The following DGLUCY variants were observed in gnomAD, a reference collection of about 807,000 sequenced individuals.
DGLUCY encodes D-glutamate cyclase, mitochondrial.
In DGLUCY, 58 loss-of-function variants were observed where a neutral mutation model predicts 58.5. The observed-to-expected ratio is 0.99, with a 90% CI of 0.80 to 1.23. DGLUCY has a LOEUF of 1.23. Ranked by LOEUF, DGLUCY falls within the 50% of genes most tolerant of loss-of-function variation. The probability of loss-of-function intolerance (pLI) is 0.00; values close to 1 mark genes in which losing one functional copy is unlikely to be tolerated. For missense variants in DGLUCY, 779 were observed against 784.7 expected (o/e 0.99, Z 0.09); for synonymous variants, 325 against 314.1 (o/e 1.03, Z -0.37).
chr14:91,160,334 G>T lies in DGLUCY; in HGVS notation c.40G>T (p.Ala14Ser). 1 of 1,609,340 alleles carries T rather than the reference G, an allele frequency of 6.2e-7. No individual in the cohort carries two copies. The highest frequency in any genetic ancestry group is 8.5e-7 in the Non-Finnish European group (1 of 1,178,898). Reference sequence around the variant, plus strand: ...CCACCTGAGGTCCCGCCTTCCCTCTGCCATAAGGAGTTTGATTCTACAAAA... The same window carrying T: ...CCACCTGAGGTCCCGCCTTCCCTCTTCCATAAGGAGTTTGATTCTACAAAA... ...TLHLRSRLPS[A>S]IRSLILQKKP... Residue 14 changes from alanine to serine, a missense_variant, in exon 3 of 14, where the codon GCC becomes TCC. Coordinates refer to ENST00000256324, the MANE Select transcript of DGLUCY (RefSeq NM_001102368.3).
chr14:91,201,235 T>C (rs1056652511), intron 11 of DGLUCY, among the ~76,000 whole-genome samples: 12 of 152,058 alleles, frequency 7.9e-5, no homozygotes, highest in African/African-American at 2.9e-4. Flanking sequence ...CTTCAGCCCA[T>C]CTAGATGTAT....
At chr14:91,110,702 T>A (rs1448158270), upstream of DGLUCY, among the ~76,000 whole-genome samples, 1 of 152,120 alleles carries the variant, frequency 6.6e-6, no homozygotes, top group African/African-American at 2.4e-5. Context: ...TCCCAAAGTT[T>A]TGAGATTACA....
intron 1 of DGLUCY, among the ~76,000 whole-genome samples, chr14:91,153,880 CG>C (rs1290736349): frequency 3.3e-5 from 5 of 152,092 alleles, no homozygotes; most frequent in African/African-American, 7.2e-5. Flanking sequence ...CCAAGGTGGT[CG>C]GGGTACAGGT....
intron 8 of DGLUCY, among the ~76,000 whole-genome samples, chr14:91,182,470 T>C (rs866028583): frequency 1.2e-4 from 18 of 152,188 alleles, no homozygotes; most frequent in African/African-American, 4.3e-4. Context: ...ATTATTATTA[T>C]TTAGAGATGG....
In DGLUCY at chr14:91,154,590, C is replaced by T. The variant is rs182988933; in HGVS notation, c.-81-3049C>T. 3.2e-3 allele frequency among the ~76,000 whole-genome samples: 493 copies of T among 152,278 alleles called. 3 individuals are homozygous for T. Among genetic ancestry groups the T allele is most frequent in the African/African-American group, 0.01 (425 of 41,544 alleles). On this transcript the variant is annotated intron_variant, in intron 1 of 13. Coordinates refer to ENST00000256324, the MANE Select transcript of DGLUCY (RefSeq NM_001102368.3). ...AGGAACAAAATGAGAGGCAGGCTTGCGCAGTTCCCAGCTTGACTTTTCCCT... is the reference window on the plus strand; with the variant it reads ...AGGAACAAAATGAGAGGCAGGCTTGTGCAGTTCCCAGCTTGACTTTTCCCT...
At chr14:91,128,070 A>C (rs1406456356) in intron 1 of DGLUCY, among the ~76,000 whole-genome samples, 1 of 151,898 alleles carries the variant, frequency 6.6e-6, no homozygotes, top group Non-Finnish European at 1.5e-5. Flanking sequence ...ACCCCACCTT[A>C]CACCCACCTC....
At chr14:91,213,731 G>T (rs1886086336) in intron 12 of DGLUCY, among the ~76,000 whole-genome samples, 1 of 119,170 alleles carries the variant, frequency 8.4e-6, no homozygotes, top group African/African-American at 3.2e-5. Context: ...ACGGAGTCTT[G>T]GTCTGTTGCC....
upstream of DGLUCY, among the ~76,000 whole-genome samples, chr14:91,106,019 C>T (rs144716643): frequency 4.1e-4 from 62 of 152,262 alleles, no homozygotes; most frequent in East Asian, 0.012. Context: ...GCATTATAAC[C>T]TTATGGGGCC....
At chr14:91,130,810 T>C (rs1007029067) in intron 1 of DGLUCY, among the ~76,000 whole-genome samples, 1 of 152,126 alleles carries the variant, frequency 6.6e-6, no homozygotes, top group Non-Finnish European at 1.5e-5. Flanking sequence ...TTCATAGTTA[T>C]AAACCAACTG....
intron 1 of DGLUCY, among the ~76,000 whole-genome samples, chr14:91,157,267 G>GA (rs2047710366): frequency 7.1e-6 from 1 of 141,656 alleles, no homozygotes; most frequent in Non-Finnish European, 1.6e-5. Flanking sequence ...GAATGAATGG[G>GA]TGGATGGATG....
chr14:91,109,364 T>G (rs1351386236), upstream of DGLUCY, among the ~76,000 whole-genome samples: 1 of 152,098 alleles, frequency 6.6e-6, no homozygotes, highest in African/African-American at 2.4e-5. Context: ...GACAAGTTGC[T>G]TCACCTTTCA....
chr14:91,165,619 T>C (rs1416197061), intron 3 of DGLUCY, among the ~76,000 whole-genome samples: 2 of 152,102 alleles, frequency 1.3e-5, no homozygotes, highest in Non-Finnish European at 2.9e-5. Flanking sequence ...CAATAGGACA[T>C]ATGAAAAGGC....
intron 3 of DGLUCY, among the ~76,000 whole-genome samples, chr14:91,162,854 A>G (rs140025527): frequency 1.1e-4 from 17 of 150,802 alleles, no homozygotes; most frequent in Admixed American, 5.3e-4. Flanking sequence ...CCGAGATCGC[A>G]CCATTGCACT....
intron 4 of DGLUCY, among the ~76,000 whole-genome samples, chr14:91,168,105 A>AT (rs201265137): frequency 1.5e-4 from 23 of 150,284 alleles, no homozygotes; most frequent in African/African-American, 4.9e-4. Flanking sequence ...GTCTCTACAA[A>AT]TTTTTTTTTT....
chr14:91,108,526 T>TGTGTGTGTGTGTGTGAGA (rs1265665234), intron 1 of DGLUCY, among the ~76,000 whole-genome samples: 16 of 52,178 alleles, frequency 3.1e-4, no homozygotes, highest in African/African-American at 9.4e-4. Context: ...TGTGTGTGTG[T>TGTGTGTGTGTGTGTGAGA]GAGAGAGAGA....
chr14:91,214,179 T>C (rs1292771339), intron 12 of DGLUCY, among the ~76,000 whole-genome samples: 1 of 152,162 alleles, frequency 6.6e-6, no homozygotes, highest in Non-Finnish European at 1.5e-5. Flanking sequence ...CCCCTCTCCA[T>C]GCTCCCATAA....
chr14:91,189,398 T>C (rs2049726369), intron 9 of DGLUCY, among the ~76,000 whole-genome samples: 1 of 152,196 alleles, frequency 6.6e-6, no homozygotes, highest in South Asian at 2.1e-4. Flanking sequence ...TCCACCAGGC[T>C]CCAAAGCATG....
Position 91,077,403 on chromosome 14 carries a change from GAAAA to G in DGLUCY, c.-82+16700_-82+16703del, listed in dbSNP as rs368428164. Reference sequence around the variant, plus strand: ...GAAAGGAAGGAAGGAAGGAGAGAAAGAAAAGAAAGAAAGAAGGAGGGAGGGAGGA... The same window carrying G: ...GAAAGGAAGGAAGGAAGGAGAGAAAGGAAAGAAAGAAGGAGGGAGGGAGGA... On this transcript the variant is annotated intron_variant, in intron 1 of 4. Transcript: ENST00000521334. 5.0e-3 allele frequency among the ~76,000 whole-genome samples: 697 copies of G among 139,178 alleles called. 4 individuals are homozygous for G. The highest frequency in any genetic ancestry group is 0.018 in the African/African-American group (648 of 36,334). The allele number at this position is 139,178 out of a possible 152,430, so 91.3% of individuals were successfully genotyped here. A position where few individuals can be genotyped will look rare whatever the true frequency, so the allele number is the denominator to read the frequency against.
rs912507533 is a variant in DGLUCY, at chr14:91,089,049, C to T, written c.-82+28345C>T. On this transcript the variant is annotated intron_variant, in intron 1 of 4. Coordinates refer to the DGLUCY transcript ENST00000521334. ...TACTTGATGCTGATTGTACCAGACACTGAAGGAATTGTCCATTCCGCACCA... is the reference window on the plus strand; with the variant it reads ...TACTTGATGCTGATTGTACCAGACATTGAAGGAATTGTCCATTCCGCACCA... Among the ~76,000 whole-genome samples the T allele has an allele frequency of 1.8e-4, 27 of 152,214 alleles. 2 individuals are homozygous for T.
Sources: gnomAD v4.1 joint callset for allele counts (sites outside exome capture counted in the v4.1 genomes callset) on GRCh38, gnomAD v4.1.1 for gene constraint, MANE v1.5 for transcripts, NCBI Gene and HGNC (gene_info 2026-07-23, HGNC 2026-07-21) for gene names.